Variants in DPH6 observed in about 807,000 individuals in gnomAD.
The protein encoded by DPH6 is diphthine--ammonia ligase.
A neutral mutation model predicts 38.2 loss-of-function variants in DPH6; 33 were observed. The ratio of observed to expected loss-of-function variants is 0.86; its 90% CI spans 0.65 to 1.15. The LOEUF (loss-of-function observed/expected upper bound fraction) is 1.15, where lower values mean the gene tolerates loss of function less well. DPH6 is among the 50% of genes most tolerant of loss of function. The pLI is 0.00. For missense variants in DPH6, 325 were observed against 320.0 expected, an observed-to-expected ratio of 1.02 and a Z score of -0.12; for synonymous variants, 108 against 103.0, an observed-to-expected ratio of 1.05 and a Z score of -0.30.
chr15:35,393,598 T>C (rs1198253806), intron 6 of DPH6, among the ~76,000 whole-genome samples: 1 of 152,148 alleles, frequency 6.6e-6, no homozygotes, highest in African/African-American at 2.4e-5. Context: ...TATCCTTGTG[T>C]AACATTCCTT....
At chr15:35,436,509 C>CAAACAAA (rs2053714138) in intron 5 of DPH6, among the ~76,000 whole-genome samples, 2 of 107,592 alleles carry the variant, frequency 1.9e-5, no homozygotes, top group African/African-American at 4.2e-5. Flanking sequence ...CAAAACAAAA[C>CAAACAAA]AAAACAAAAA....
chr15:35,186,501 T>C, the DPH6 span, among the ~76,000 whole-genome samples: 1 of 152,190 alleles, frequency 6.6e-6, no homozygotes, highest in South Asian at 2.1e-4. Context: ...GCTCTCTCTG[T>C]AAACACGTTC....
downstream of DPH6, among the ~76,000 whole-genome samples, chr15:35,214,098 C>T (rs1213561892): frequency 1.4e-5 from 2 of 142,828 alleles, no homozygotes; most frequent in South Asian, 2.2e-4. Flanking sequence ...GGCGACAGAG[C>T]GAGACTCCGT....
At chr15:35,236,640 CAA>C (rs373551575) in intron 3 of DPH6, among the ~76,000 whole-genome samples, 12 of 101,668 alleles carry the variant, frequency 1.2e-4, no homozygotes, top group Admixed American at 2.1e-4. Flanking sequence ...GACTCCATCT[CAA>C]AAAAAAAAAA....
intron 3 of DPH6, among the ~76,000 whole-genome samples, chr15:35,308,827 T>C (rs962922632): frequency 1.3e-5 from 2 of 152,214 alleles, no homozygotes; most frequent in Non-Finnish European, 1.5e-5. Flanking sequence ...TATATGCTTA[T>C]CTGAAAGTTA....
intron 3 of DPH6, among the ~76,000 whole-genome samples, chr15:35,516,185 C>T (rs2054844300): frequency 6.6e-6 from 1 of 152,080 alleles, no homozygotes; most frequent in African/African-American, 2.4e-5. Context: ...GTAGAATTTC[C>T]ACCACACAAT....
At chr15:35,237,816 T>C in intron 3 of DPH6, 1 of 1,569,050 alleles carries the variant, frequency 6.4e-7, no homozygotes. Flanking sequence ...GAGGGCTACG[T>C]GGAGGGCCTG....
chr15:35,199,455 T>C, the DPH6 span, among the ~76,000 whole-genome samples: 596 of 152,280 alleles, frequency 3.9e-3, 9 homozygotes, highest in African/African-American at 3.1e-3. Flanking sequence ...ATGCCATTCA[T>C]TGAGCAAAAA....
In DPH6 at chr15:35,538,267, T is replaced by G. The variant is rs2055201157; in HGVS notation, c.312+7A>C. The G allele has an allele frequency of 1.2e-5, 18 of 1,519,604 alleles. No individual in the cohort carries two copies. The highest frequency in any genetic ancestry group is 1.3e-5 in the Non-Finnish European group (15 of 1,115,786). 94.1% of individuals were successfully genotyped at this position (1,519,604 alleles called of 1,614,324 possible). The stretch of plus-strand genomic sequence containing the variant: ...ATCCAATATACTTAATTGGTTACTC[T>G]GCATACCTTAACAAGTTTCAAAAGC... On this transcript the variant is annotated splice_region_variant and intron_variant, in intron 3 of 8. Coordinates refer to ENST00000256538, the MANE Select transcript of DPH6 (RefSeq NM_080650.4).
intron 3 of DPH6, among the ~76,000 whole-genome samples, chr15:35,276,399 T>C (rs1177531789): frequency 6.6e-6 from 1 of 152,268 alleles, no homozygotes; most frequent in Admixed American, 6.5e-5. Context: ...TTTACTCTGC[T>C]GACTGTTCCT....
intron 3 of DPH6, among the ~76,000 whole-genome samples, chr15:35,501,503 T>C (rs2054627163): frequency 6.6e-6 from 1 of 152,162 alleles, no homozygotes; most frequent in South Asian, 2.1e-4. Flanking sequence ...TTTCTTCAAC[T>C]TCCTGGTAAT....
chr15:35,208,257 C>T, the DPH6 span, among the ~76,000 whole-genome samples: 7 of 151,964 alleles, frequency 4.6e-5, no homozygotes, highest in Admixed American at 2.0e-4. Context: ...ATGTGTCAGC[C>T]GCAGCAAAAA....
At chr15:35,179,488 T>G in the DPH6 span, among the ~76,000 whole-genome samples, 1 of 152,192 alleles carries the variant, frequency 6.6e-6, no homozygotes, top group African/African-American at 2.4e-5. Context: ...TATAAAAATC[T>G]ATGTTTTCAT....
At chr15:35,456,558 G>A (rs2054000095) in intron 3 of DPH6, among the ~76,000 whole-genome samples, 1 of 151,410 alleles carries the variant, frequency 6.6e-6, no homozygotes, top group Non-Finnish European at 1.5e-5. Flanking sequence ...CACGATCTCA[G>A]CTCACTGCAA....
chr15:35,412,397 A>T lies in DPH6; in HGVS notation c.506-1501T>A, dbSNP rs78869499. On this transcript the variant is annotated intron_variant, in intron 5 of 8. Coordinates refer to ENST00000256538, the MANE Select transcript of DPH6 (RefSeq NM_080650.4). ...ATTGCTGATTGGAATGCAAAATGGT[A>T]CAGTCACTTTGTAAGACAGTTGGGA... is the stretch of plus-strand genomic sequence containing the variant. Among the ~76,000 whole-genome samples, 49 of 151,812 alleles carry T rather than the reference A, an allele frequency of 3.2e-4. 1 individual carries two copies. The highest frequency in any genetic ancestry group is 6.2e-4 in the Non-Finnish European group (42 of 67,732).
chr15:35,533,714 C>T (rs1756556657), intron 3 of DPH6, among the ~76,000 whole-genome samples: 1 of 148,578 alleles, frequency 6.7e-6, no homozygotes, highest in Non-Finnish European at 1.5e-5. Flanking sequence ...AATTTTAATC[C>T]CTCAATTATT....
At chr15:35,200,344 T>C in the DPH6 span, among the ~76,000 whole-genome samples, 1 of 152,112 alleles carries the variant, frequency 6.6e-6, no homozygotes, top group South Asian at 2.1e-4. Context: ...GCATACTGTG[T>C]CTAGAGAAGT....
At chr15:35,239,645 G>A (rs1030274331) in intron 3 of DPH6, among the ~76,000 whole-genome samples, 4 of 140,208 alleles carry the variant, frequency 2.9e-5, no homozygotes, top group Non-Finnish European at 3.1e-5. Flanking sequence ...TTAGCGGCAA[G>A]TCCCGCTTTC....
chr15:35,440,441 T>G (rs1457860882), intron 5 of DPH6, among the ~76,000 whole-genome samples: 5 of 152,280 alleles, frequency 3.3e-5, no homozygotes, highest in African/African-American at 1.2e-4. Flanking sequence ...GCCATCGAAC[T>G]CCAAACAGTC....
Sources: gnomAD v4.1 joint callset for allele counts (sites outside exome capture counted in the v4.1 genomes callset) on GRCh38, gnomAD v4.1.1 for gene constraint, MANE v1.5 for transcripts, NCBI Gene and HGNC (gene_info 2026-07-23, HGNC 2026-07-21) for gene names.